Variants in DTNBP1 observed in about 807,000 individuals in gnomAD.
DTNBP1 encodes dysbindin.
Under a neutral mutation model 42.8 loss-of-function variants are expected in DTNBP1, and 35 were observed. The ratio of observed to expected loss-of-function variants is 0.82; its 90% CI spans 0.63 to 1.09. The LOEUF (loss-of-function observed/expected upper bound fraction) is 1.09. Among genes scored for constraint, DTNBP1 ranks in the 50% least tolerant of loss-of-function variants. The pLI, the probability that DTNBP1 is intolerant of heterozygous loss-of-function variation, is 0.00. For synonymous variants in DTNBP1, 171 were observed against 162.2 expected, an observed-to-expected ratio of 1.05 and a Z score of -0.41; for missense variants, 457 against 424.2, an observed-to-expected ratio of 1.08 and a Z score of -0.68.
intron 3 of DTNBP1, among the ~76,000 whole-genome samples, chr6:15,643,004 A>G (rs1261342097): frequency 6.6e-6 from 1 of 152,242 alleles, no homozygotes; most frequent in Non-Finnish European, 1.5e-5. Flanking sequence ...AATAAAAAAT[A>G]CGTATTGCAA....
chr6:15,569,549 TGC>T lies in DTNBP1; in HGVS notation c.511+23508_511+23509del, dbSNP rs1316373347. 5.9e-3 allele frequency among the ~76,000 whole-genome samples: 898 copies of T among 152,244 alleles called. 11 individuals carry two copies. The highest frequency in any genetic ancestry group is 0.021 in the African/African-American group (852 of 41,530). On this transcript the variant is annotated intron_variant, in intron 7 of 9. Coordinates refer to ENST00000344537, the MANE Select transcript of DTNBP1 (RefSeq NM_032122.5). ...GTTTCCTCCCATCTCCTCTTTCAGC[TGC>T]TCTATAATTACTAAACTCCTTCTCC... is the stretch of plus-strand genomic sequence containing the variant.
intron 7 of DTNBP1, among the ~76,000 whole-genome samples, chr6:15,571,512 G>A (rs1775339726): frequency 6.6e-6 from 1 of 152,138 alleles, no homozygotes; most frequent in Admixed American, 6.5e-5. Context: ...CTGCTCTGGG[G>A]TTTCAGTAGC....
At chr6:15,627,302 T>C (rs535101087) in intron 5 of DTNBP1, 41 bp downstream of exon 5, 8 of 1,608,902 alleles carry the variant, frequency 5.0e-6, no homozygotes, top group Non-Finnish European at 6.8e-6. Context: ...CAAGTTGTTT[T>C]CATTCCTAAA....
chr6:15,544,754 A>C (rs1773777219), intron 7 of DTNBP1, among the ~76,000 whole-genome samples: 1 of 152,262 alleles, frequency 6.6e-6, no homozygotes, highest in Non-Finnish European at 1.5e-5. Context: ...GAAAAAATCC[A>C]AAACCTGCAA....
intron 7 of DTNBP1, among the ~76,000 whole-genome samples, chr6:15,547,672 A>G (rs1411451049): frequency 6.6e-6 from 1 of 152,188 alleles, no homozygotes; most frequent in Non-Finnish European, 1.5e-5. Context: ...AATAACGGAT[A>G]AGCCCCTTAA....
intron 3 of DTNBP1, among the ~76,000 whole-genome samples, chr6:15,642,792 C>T (rs1760452501): frequency 6.6e-6 from 1 of 152,094 alleles, no homozygotes; most frequent in Admixed American, 6.5e-5. Flanking sequence ...TATACCACAG[C>T]CATACCCTTA....
intron 7 of DTNBP1, among the ~76,000 whole-genome samples, chr6:15,578,667 C>A (rs1382042999): frequency 6.6e-6 from 1 of 151,960 alleles, no homozygotes; most frequent in East Asian, 1.9e-4. Context: ...AATAAGTAAA[C>A]TATAATAAAA....
chr6:15,651,554 T>C lies in DTNBP1; in HGVS notation c.111-191A>G, dbSNP rs1234298195. The C allele has an allele frequency of 1.1e-5, 8 of 717,750 alleles. No homozygotes were observed. The Admixed American group carries it at 1.7e-4, about 16-fold the overall frequency. 44.5% of individuals were successfully genotyped at this position (717,750 alleles called of 1,614,324 possible). ...ACTGTATGTAACACACTATCAACCA[T>C]CATTTTGCCCCAGAGATTCTCTTCA... On this transcript the variant is annotated intron_variant, in intron 2 of 9. Coordinates refer to ENST00000344537, the MANE Select transcript of DTNBP1 (RefSeq NM_032122.5).
intron 6 of DTNBP1, among the ~76,000 whole-genome samples, chr6:15,601,970 C>T (rs961172215): frequency 1.3e-5 from 2 of 151,698 alleles, no homozygotes; most frequent in Non-Finnish European, 2.9e-5. Context: ...AATCCAGTAT[C>T]AAACCTCTCC....
intron 1 of DTNBP1, among the ~76,000 whole-genome samples, chr6:15,662,030 C>T (rs569689985): frequency 2.1e-4 from 32 of 152,294 alleles, no homozygotes; most frequent in Non-Finnish European, 3.8e-4. Flanking sequence ...GCGTTGGTGC[C>T]CACTGGAATC....
Position 15,663,005 on chromosome 6 carries a change from T to C in DTNBP1, c.-136A>G. ...ACTACCGGCCCCGCCCCCGGTCTGGTCCTCGCCGCCGCGCCGCAACCCCAG... is the reference window on the plus strand; with the variant it reads ...ACTACCGGCCCCGCCCCCGGTCTGGCCCTCGCCGCCGCGCCGCAACCCCAG... On this transcript the variant is annotated 5_prime_UTR_variant, in exon 1 of 10. Coordinates refer to ENST00000344537, the MANE Select transcript of DTNBP1 (RefSeq NM_032122.5). The C allele has an allele frequency of 1.6e-6, 2 of 1,279,562 alleles. No individual in the cohort carries two copies. Among genetic ancestry groups the C allele is most frequent in the African/African-American group, 1.5e-5 (1 of 66,106 alleles). The allele number at this position is 1,279,562 out of a possible 1,614,324, so 79.3% of individuals were successfully genotyped here.
intron 7 of DTNBP1, among the ~76,000 whole-genome samples, chr6:15,539,400 C>T (rs1454612548): frequency 1.3e-5 from 2 of 152,210 alleles, no homozygotes; most frequent in Non-Finnish European, 2.9e-5. Flanking sequence ...TCAGGTCCTA[C>T]ACTCCTAGCG....
intron 7 of DTNBP1, among the ~76,000 whole-genome samples, chr6:15,583,174 G>A (rs1302662656): frequency 6.6e-6 from 1 of 152,038 alleles, no homozygotes; most frequent in Admixed American, 6.6e-5. Flanking sequence ...TAGAGCGGGG[G>A]TCTCATTATG....
intron 7 of DTNBP1, among the ~76,000 whole-genome samples, chr6:15,558,090 T>C (rs1180132903): frequency 6.6e-6 from 1 of 151,628 alleles, no homozygotes; most frequent in Non-Finnish European, 1.5e-5. Context: ...TGATATGACT[T>C]AGTGTACGTT....
intron 7 of DTNBP1, among the ~76,000 whole-genome samples, chr6:15,564,628 G>A (rs996407963): frequency 1.3e-5 from 2 of 152,020 alleles, no homozygotes; most frequent in African/African-American, 2.4e-5. Context: ...GGCTGGTATC[G>A]AACTCCTGAC....
intron 5 of DTNBP1, among the ~76,000 whole-genome samples, chr6:15,621,577 G>A (rs1759045340): frequency 6.6e-6 from 1 of 152,172 alleles, no homozygotes; most frequent in Non-Finnish European, 1.5e-5. Flanking sequence ...TGTGCTGAAT[G>A]ACAAATTTAG....
chr6:15,555,350 A>G (rs1774452205), intron 7 of DTNBP1, among the ~76,000 whole-genome samples: 1 of 152,088 alleles, frequency 6.6e-6, no homozygotes, highest in Admixed American at 6.6e-5. Flanking sequence ...GAGGCTGGGT[A>G]AAAGGAGGCT....
chr6:15,585,655 G>A, intron 7 of DTNBP1: 2 of 1,507,672 alleles, frequency 1.3e-6, no homozygotes, highest in Non-Finnish European at 1.8e-6. Flanking sequence ...ATGTATCCAG[G>A]CATGGAAATA....
intron 7 of DTNBP1, among the ~76,000 whole-genome samples, chr6:15,582,279 G>C (rs899170796): frequency 2.6e-5 from 4 of 152,170 alleles, no homozygotes; most frequent in Non-Finnish European, 5.9e-5. Flanking sequence ...GAAAAACACA[G>C]GTTTTGAGGG....
Sources: allele counts gnomAD v4.1 joint callset (sites outside exome capture counted in the v4.1 genomes callset), GRCh38; gene constraint gnomAD v4.1.1; transcripts MANE v1.5; gene names NCBI Gene and HGNC (gene_info 2026-07-23, HGNC 2026-07-21).